ABCA9: variants seen among roughly 807,000 people sequenced by gnomAD.
ABCA9 encodes the protein ATP binding cassette subfamily A member 9.
In ABCA9, 183 loss-of-function variants were observed where a neutral mutation model predicts 205.3. The ratio of observed to expected loss-of-function variants is 0.89; its 90% CI spans 0.79 to 1.01. ABCA9 has a LOEUF of 1.01. Among genes scored for constraint, ABCA9 ranks in the 50% least tolerant of loss-of-function variants. The pLI is 0.00. For missense variants in ABCA9, 1,805 were observed against 1,912.4 expected (o/e 0.94, Z 1.05); for synonymous variants, 651 against 683.3 (o/e 0.95, Z 0.74).
At chr17:69,027,894 GTA>G in intron 12 of ABCA9, 79 bp from the exon 13 acceptor site, 2 of 1,116,960 alleles carry the variant, frequency 1.8e-6, no homozygotes, top group Admixed American at 4.8e-5. Context: ...GGAAAACACT[GTA>G]TGTCAATTAT....
At position 68,985,560 on chromosome 17, in the gene ABCA9, T is replaced by G. The variant is rs527742116; in HGVS notation, c.4209-432A>C. Among the ~76,000 whole-genome samples the G allele has an allele frequency of 2.7e-4, 41 of 152,190 alleles. 1 individual carries two copies. The highest frequency in any genetic ancestry group is 4.3e-4 in the Non-Finnish European group (29 of 67,994). Reference sequence around the variant, plus strand: ...TCGCTTGAACCTGGGAGGTGGAGGTTGCAGTGAGCTGAGATCGCACCACTG... The same window carrying G: ...TCGCTTGAACCTGGGAGGTGGAGGTGGCAGTGAGCTGAGATCGCACCACTG... On this transcript the variant is annotated intron_variant, in intron 32 of 38. Transcript: ENST00000340001.
intron 3 of ABCA9, among the ~76,000 whole-genome samples, chr17:69,048,005 G>A (rs562704562): frequency 1.3e-5 from 2 of 152,250 alleles, no homozygotes; most frequent in African/African-American, 4.8e-5. Flanking sequence ...TACAATCATG[G>A]CAGATGGGGA....
chr17:69,012,278 C>A, intron 22 of ABCA9, 195 bp from the exon 23 acceptor site: 1 of 467,828 alleles, frequency 2.1e-6, no homozygotes, highest in Admixed American at 4.0e-5. Flanking sequence ...AACACGTAGC[C>A]TGATTTACTT....
chr17:68,995,778 G>C (rs2069599181), intron 26 of ABCA9, 117 bp downstream of exon 26: 1 of 1,335,734 alleles, frequency 7.5e-7, no homozygotes, highest in Non-Finnish European at 1.0e-6. Context: ...ACTTTCCAAA[G>C]ACAGAGACTT....
At chr17:69,020,046 C>T (rs1008657451) in intron 19 of ABCA9, 5 of 200,654 alleles carry the variant, frequency 2.5e-5, no homozygotes, top group Non-Finnish European at 5.1e-5. Context: ...CCTGGGGAAC[C>T]CTGACAGCTA....
Position 68,999,330 on chromosome 17 carries a change from T to A in ABCA9, c.3436-3316A>T, listed in dbSNP as rs909380770. On this transcript the variant is annotated intron_variant, in intron 25 of 38. Transcript: ENST00000340001. ...TGTGATGTTCCCCTTCCTGTGTCCA[T>A]GTGATCTCATTGTTCAATTCCCACC... 8.4e-5 allele frequency among the ~76,000 whole-genome samples: 11 copies of A among 131,190 alleles called. No homozygotes were observed. In the East Asian group the frequency reaches 2.3e-3, roughly 27 times the overall value. The allele number at this position is 131,190 out of a possible 152,430, so 86.1% of individuals were successfully genotyped here. A position where few individuals can be genotyped will look rare whatever the true frequency, so the allele number is the denominator to read the frequency against.
chr17:69,067,621 GAAGA>G, the ABCA9 span, among the ~76,000 whole-genome samples: 168 of 120,660 alleles, frequency 1.4e-3, no homozygotes, highest in Middle Eastern at 4.0e-3. Context: ...AAGAAAGAAA[GAAGA>G]AAGAAAGAAA....
chr17:69,064,230 T>C (rs762650375), upstream of ABCA9, among the ~76,000 whole-genome samples: 8 of 152,226 alleles, frequency 5.3e-5, no homozygotes, highest in Non-Finnish European at 1.2e-4. Context: ...TGATTGTGTT[T>C]TCTCTGTTCC....
the ABCA9 span, among the ~76,000 whole-genome samples, chr17:69,071,826 G>A: frequency 6.6e-5 from 10 of 152,200 alleles, no homozygotes; most frequent in Admixed American, 4.6e-4. Flanking sequence ...CTAACCTAAT[G>A]CAAGGAAGCT....
Position 69,016,117 on chromosome 17 carries a change from TATATATAC to T in ABCA9, c.3039+128_3039+135del, listed in dbSNP as rs1230934764. On this transcript the variant is annotated intron_variant, in intron 22 of 38. Coordinates refer to ENST00000340001, the MANE Select transcript of ABCA9 (RefSeq NM_080283.4). The stretch of plus-strand genomic sequence containing the variant: ...ATGTGTGTGTGTATATATATATATA[TATATATAC>T]ACACACACACACACACACAAGTTTA... The T allele has an allele frequency of 4.9e-3, 1,366 of 279,814 alleles. 2 individuals carry two copies. The highest frequency in any genetic ancestry group is 6.8e-3 in the African/African-American group (274 of 40,206). 17.3% of individuals were successfully genotyped at this position (279,814 alleles called of 1,614,324 possible).
chr17:68,991,113 C>G (rs2302292), intron 28 of ABCA9, among the ~76,000 whole-genome samples, 156 bp from the exon 29 acceptor site: 102,593 of 152,036 alleles, frequency 0.67, 35,019 homozygotes, highest in Middle Eastern at 0.73. Context: ...CTTTCAAACA[C>G]CCTAGTTTCC....
In ABCA9 at chr17:69,016,455, A is replaced by G. The variant is rs73370042; in HGVS notation, c.2902-65T>C. On this transcript the variant is annotated intron_variant, in intron 21 of 38. Coordinates refer to ENST00000340001, the MANE Select transcript of ABCA9 (RefSeq NM_080283.4). ...CAAAGACAAAATTTAATGAGTGAACATGTTAGAAAATCATTCAAGTTACTG... is the reference window on the plus strand; with the variant it reads ...CAAAGACAAAATTTAATGAGTGAACGTGTTAGAAAATCATTCAAGTTACTG... 3.5e-3 allele frequency: 4,889 copies of G among 1,411,868 alleles called. 76 individuals carry two copies. In the African/African-American group the frequency reaches 0.047, roughly 13 times the overall value. 87.5% of individuals were successfully genotyped at this position (1,411,868 alleles called of 1,614,324 possible). A position where few individuals can be genotyped will look rare whatever the true frequency, so the allele number is the denominator to read the frequency against.
At position 68,979,352 on chromosome 17, in the gene ABCA9, T is replaced by C. The variant is rs547762076; in HGVS notation, c.4721-3162A>G. Reference sequence around the variant, plus strand: ...AGAATCAACAACGTGAAAATGACCATACTGCCCAAGGTAATTTATAGATTC... The same window carrying C: ...AGAATCAACAACGTGAAAATGACCACACTGCCCAAGGTAATTTATAGATTC... On this transcript the variant is annotated intron_variant, in intron 37 of 38. Transcript: ENST00000340001. Among the ~76,000 whole-genome samples the C allele has an allele frequency of 7.2e-5, 11 of 152,294 alleles. No individual in the cohort carries two copies. The East Asian group carries it at 1.5e-3, about 21-fold the overall frequency.
At chr17:69,037,112 A>G (rs2071369654) in intron 6 of ABCA9, among the ~76,000 whole-genome samples, 1 of 152,072 alleles carries the variant, frequency 6.6e-6, no homozygotes, top group Non-Finnish European at 1.5e-5. Context: ...ACACAATAAT[A>G]ATGGGAGACT....
At chr17:69,008,326 G>T in intron 23 of ABCA9, 91 bp from the exon 24 acceptor site, 2 of 1,245,458 alleles carry the variant, frequency 1.6e-6, no homozygotes, top group Non-Finnish European at 2.3e-6. Flanking sequence ...ATTCATTTTT[G>T]CTTCGCCTTT....
intron 31 of ABCA9, among the ~76,000 whole-genome samples, chr17:68,987,185 C>T (rs984430980): frequency 6.6e-6 from 1 of 152,162 alleles, no homozygotes; most frequent in Non-Finnish European, 1.5e-5. Context: ...TTATCACAAG[C>T]ATGGATTATG....
chr17:69,012,824 T>A (rs8070357), intron 22 of ABCA9, among the ~76,000 whole-genome samples: 1 of 151,970 alleles, frequency 6.6e-6, no homozygotes, highest in Admixed American at 6.6e-5. Context: ...AAATACTAGG[T>A]CTTATTCATT....
intron 23 of ABCA9, 146 bp from the exon 24 acceptor site, chr17:69,008,381 C>T: frequency 1.4e-6 from 1 of 701,418 alleles, no homozygotes; most frequent in South Asian, 1.8e-5. Flanking sequence ...CCACTCGCCA[C>T]ACCCTTGTTC....
intron 37 of ABCA9, 133 bp downstream of exon 37, chr17:68,982,429 A>G (rs557665374): frequency 1.4e-6 from 1 of 709,130 alleles, no homozygotes; most frequent in East Asian, 2.6e-5. Flanking sequence ...AAAACACTGG[A>G]TTAGCAGTCT....
Sources: gnomAD v4.1 joint callset for allele counts (sites outside exome capture counted in the v4.1 genomes callset) on GRCh38, gnomAD v4.1.1 for gene constraint, MANE v1.5 for transcripts, NCBI Gene and HGNC (gene_info 2026-07-23, HGNC 2026-07-21) for gene names.